Variants in NFKBIE observed in about 807,000 individuals in gnomAD.
NFKBIE encodes NF-kappa-B inhibitor epsilon.
In NFKBIE, 11 loss-of-function variants were observed where a neutral mutation model predicts 31.6. The ratio of observed to expected loss-of-function variants is 0.35; its 90% CI spans 0.22 to 0.58. NFKBIE has a LOEUF of 0.58. Among genes scored for constraint, NFKBIE ranks in the 20% least tolerant of loss-of-function variants. The pLI is 0.83. For synonymous variants in NFKBIE, 208 were observed against 210.1 expected, an observed-to-expected ratio of 0.99 and a Z score of 0.09; for missense variants, 354 against 465.7, an observed-to-expected ratio of 0.76 and a Z score of 2.21.
In NFKBIE at chr6:44,261,656, A is replaced by G; in HGVS notation, c.661T>C (p.Ser221Pro). Reference sequence around the variant, plus strand: ...CAGTTTTGCAGCTGGAGGTCCAGAGAGTGAGATGTTCCTCTGCCTGGCTCT... The same window carrying G: ...CAGTTTTGCAGCTGGAGGTCCAGAGGGTGAGATGTTCCTCTGCCTGGCTCT... ...RPEPGRGTSH[S>P]LDLQLQNWQG... is the part of the protein sequence containing the mutation. Residue 221 changes from serine (S) to proline (P), a missense_variant, in exon 3 of 6, where the codon TCT (serine) becomes CCT (proline). This residue lies in a region of NFKBIE where 183 missense variants were observed against 310.6 expected (regional missense o/e 0.59). Coordinates refer to ENST00000619360, the MANE Select transcript of NFKBIE (RefSeq NM_004556.3). This position sits in a 1 kb window ranked among gnomAD's most constrained non-coding sequence, Gnocchi z 4.3. 1 of 1,614,154 alleles carries G rather than the reference A, an allele frequency of 6.2e-7. No homozygotes were observed. Among genetic ancestry groups the G allele is most frequent in the Non-Finnish European group, 8.5e-7 (1 of 1,180,024 alleles).
chr6:44,259,191 C>T lies in NFKBIE; in HGVS notation c.*28G>A, dbSNP rs539449485. ...CCGGCTTCCAGATGGAGAGGTGGAGCCCTGAGGATCCCAGACCCTGCCTGG... is the reference window on the plus strand; with the variant it reads ...CCGGCTTCCAGATGGAGAGGTGGAGTCCTGAGGATCCCAGACCCTGCCTGG... On this transcript the variant is annotated 3_prime_UTR_variant, in exon 6 of 6. Coordinates refer to ENST00000619360, the MANE Select transcript of NFKBIE (RefSeq NM_004556.3). The T allele has an allele frequency of 6.2e-7, 1 of 1,612,306 alleles. No homozygotes were observed. The highest frequency in any genetic ancestry group is 8.5e-7 in the Non-Finnish European group (1 of 1,178,764).
At position 44,258,765 on chromosome 6, in the gene NFKBIE, T is replaced by C. The variant is rs2153330488; in HGVS notation, c.*454A>G. Reference sequence around the variant, plus strand: ...CAGTGGCTCAGTTCAGAGCCTTCTGTGTGAAGTCTTTAAACAACGGTGTTT... The same window carrying C: ...CAGTGGCTCAGTTCAGAGCCTTCTGCGTGAAGTCTTTAAACAACGGTGTTT... On this transcript the variant is annotated 3_prime_UTR_variant, in exon 6 of 6. Transcript: ENST00000619360. 1 of 156,286 alleles carries C rather than the reference T, an allele frequency of 6.4e-6. No homozygotes were observed. Among genetic ancestry groups the C allele is most frequent in the East Asian group, 1.8e-4 (1 of 5,448 alleles). 9.7% of individuals were successfully genotyped at this position (156,286 alleles called of 1,614,324 possible).
At position 44,260,370 on chromosome 6, in the gene NFKBIE, C is replaced by T; in HGVS notation, c.780+81G>A. 6.2e-7 allele frequency: 1 copy of T among 1,612,756 alleles called. No homozygotes were observed. The highest frequency in any genetic ancestry group is 8.5e-7 in the Non-Finnish European group (1 of 1,178,910). On this transcript the variant is annotated intron_variant, in intron 4 of 5. Transcript: ENST00000619360. This position sits in a 1 kb window ranked among gnomAD's most constrained non-coding sequence, Gnocchi z 5.5. ...GATAAGGAAGTGAATGCCACCACTT[C>T]TGACTGCTGGGCAGGGGACTTGGGG...
rs751981575 is a variant in NFKBIE at position 44,258,436 on chromosome 6, G to C, written c.*783C>G. 6.6e-6 allele frequency: 1 copy of C among 152,504 alleles called. No individual in the cohort carries two copies. The highest frequency in any genetic ancestry group is 1.5e-5 in the Non-Finnish European group (1 of 68,282). The allele number at this position is 152,504 out of a possible 1,614,324, so 9.4% of individuals were successfully genotyped here. The stretch of plus-strand genomic sequence containing the variant: ...AGGGCAGTGGTGAGGGCTCCAGGGC[G>C]TGTGTCCTCTCATTCTTCCTCTTGT... On this transcript the variant is annotated 3_prime_UTR_variant, in exon 6 of 6. Coordinates refer to ENST00000619360, the MANE Select transcript of NFKBIE (RefSeq NM_004556.3).
At chr6:44,259,587 G>C (rs892687782) in intron 5 of NFKBIE, among the ~76,000 whole-genome samples, 1 of 151,830 alleles carries the variant, frequency 6.6e-6, no homozygotes, top group Non-Finnish European at 1.5e-5. Flanking sequence ...GGGATGGGGT[G>C]GGGGGGCTGC....
At chr6:44,259,393 G>T in intron 5 of NFKBIE, 109 bp from the exon 6 acceptor site, 1 of 782,334 alleles carries the variant, frequency 1.3e-6, no homozygotes, top group Non-Finnish European at 2.3e-6. Context: ...CCAAATGACA[G>T]TTGAAGACCA....
At position 44,258,245 on chromosome 6, in the gene NFKBIE, C is replaced by T. The variant is rs893024949; in HGVS notation, c.*974G>A. 2 of 152,238 alleles carry T rather than the reference C, an allele frequency of 1.3e-5. No individual in the cohort carries two copies. Among genetic ancestry groups the T allele is most frequent in the African/African-American group, 4.8e-5 (2 of 41,436 alleles). The allele number at this position is 152,238 out of a possible 1,614,324, so 9.4% of individuals were successfully genotyped here. ...CACTGGATGAGACGCTCCAAGTGGTCAGAGACTGTGCTGGTTTATTGCCCC... is the reference window on the plus strand; with the variant it reads ...CACTGGATGAGACGCTCCAAGTGGTTAGAGACTGTGCTGGTTTATTGCCCC... On this transcript the variant is annotated 3_prime_UTR_variant, in exon 6 of 6. Coordinates refer to ENST00000619360, the MANE Select transcript of NFKBIE (RefSeq NM_004556.3).
chr6:44,262,071 A>T (rs1341011428), intron 2 of NFKBIE, among the ~76,000 whole-genome samples: 1 of 152,168 alleles, frequency 6.6e-6, no homozygotes, highest in Non-Finnish European at 1.5e-5. Context: ...TGAAGAAAGT[A>T]GCTCTCTGCT....
Position 44,265,102 on chromosome 6 carries a change from AG to A in NFKBIE, c.244del (p.Leu82CysfsTer24). On this transcript the variant is annotated frameshift_variant, in exon 1 of 6. Coordinates refer to ENST00000619360, the MANE Select transcript of NFKBIE (RefSeq NM_004556.3). LOFTEE classifies it high-confidence loss of function. The stretch of plus-strand genomic sequence containing the variant: ...AGCCTCGGGGCCCCCCAGCAAGGAC[AG>A]GGTGTAGGTGAGCGAGGAGGAGCCA... ...TYGSSSLTYT[L>X]SLLGGPEAED... 6.4e-7 allele frequency: 1 copy of A among 1,556,696 alleles called. No homozygotes were observed. Among genetic ancestry groups the A allele is most frequent in the Non-Finnish European group, 8.7e-7 (1 of 1,149,086 alleles).
Position 44,265,536 on chromosome 6 carries a change from C to G in NFKBIE, c.-190G>C. Reference sequence around the variant, plus strand: ...ACAAGGTTCGGAGCGCTGGCCAGGTCCACCCAGCGGTTACTGTGGGCAGCC... The same window carrying G: ...ACAAGGTTCGGAGCGCTGGCCAGGTGCACCCAGCGGTTACTGTGGGCAGCC... On this transcript the variant is annotated 5_prime_UTR_variant, in exon 1 of 6. Coordinates refer to ENST00000619360, the MANE Select transcript of NFKBIE (RefSeq NM_004556.3). 6.4e-7 allele frequency: 1 copy of G among 1,571,414 alleles called. No homozygotes were observed. Among genetic ancestry groups the G allele is most frequent in the Non-Finnish European group, 8.6e-7 (1 of 1,160,380 alleles).
chr6:44,265,231 C>G lies in NFKBIE; in HGVS notation c.116G>C (p.Gly39Ala). ...GGGCTGGGGGCTGCCGTCCGAGGGC[C>G]CGGAGGCTGGAGCCGAGGTGGACTC... The part of the protein sequence containing the change: ...LPESTSAPAS[G>A]PSDGSPQPCT... The change falls in exon 1 of 6, where the codon GGG becomes GCG. Residue 39 changes from glycine (G) to alanine (A), a missense_variant. Physicochemically the swap from Gly to Ala is moderately conservative, Grantham distance 60. Around this residue, in one of 2 missense-constraint regions of NFKBIE, gnomAD observed 171 missense variants for 155.1 expected, o/e 1.10. Transcript: ENST00000619360. 6.4e-7 allele frequency: 1 copy of G among 1,552,466 alleles called. No individual in the cohort carries two copies. Among genetic ancestry groups the G allele is most frequent in the Admixed American group, 2.0e-5 (1 of 51,140 alleles).
Position 44,260,682 on chromosome 6 carries a change from C to T in NFKBIE, c.692-143G>A, listed in dbSNP as rs1781865378. 11 of 763,666 alleles carry T rather than the reference C, an allele frequency of 1.4e-5. No individual in the cohort carries two copies. In the East Asian group the frequency reaches 3.0e-4, roughly 21 times the overall value. 47.3% of individuals were successfully genotyped at this position (763,666 alleles called of 1,614,324 possible). A position where few individuals can be genotyped will look rare whatever the true frequency, so the allele number is the denominator to read the frequency against. ...ATCACAAGACTGTTAAAATGCAAACCCCAAAACCCCCTCAAAAGTCTAAGG... is the reference window on the plus strand; with the variant it reads ...ATCACAAGACTGTTAAAATGCAAACTCCAAAACCCCCTCAAAAGTCTAAGG... On this transcript the variant is annotated intron_variant, in intron 3 of 5. Coordinates refer to ENST00000619360, the MANE Select transcript of NFKBIE (RefSeq NM_004556.3). The surrounding 1 kb of genome is among the most constrained non-coding windows in gnomAD (Gnocchi z 5.5).
chr6:44,264,485 G>C (rs1782041675), intron 1 of NFKBIE, among the ~76,000 whole-genome samples: 2 of 152,148 alleles, frequency 1.3e-5, no homozygotes, highest in South Asian at 4.1e-4. Flanking sequence ...GAGTGCCCCA[G>C]CCTGGCTCAC....
intron 5 of NFKBIE, among the ~76,000 whole-genome samples, chr6:44,259,624 C>A (rs1781821428): frequency 6.6e-6 from 1 of 152,014 alleles, no homozygotes; most frequent in Non-Finnish European, 1.5e-5. Context: ...ATTTAGGTTT[C>A]TTTTTTACAC....
Position 44,265,351 on chromosome 6 carries a change from G to T in NFKBIE, c.-5C>A. The T allele has an allele frequency of 6.4e-7, 1 of 1,557,900 alleles. No homozygotes were observed. Among genetic ancestry groups the T allele is most frequent in the Admixed American group, 1.8e-5 (1 of 54,576 alleles). ...CCCCTTCCGCGCCTCCGACATGCCC[G>T]CGGCTCTGGCCGGCCGGGGCCCGGT... On this transcript the variant is annotated 5_prime_UTR_variant, in exon 1 of 6. Transcript: ENST00000619360.
intron 1 of NFKBIE, among the ~76,000 whole-genome samples, 169 bp downstream of exon 1, chr6:44,264,813 T>G (rs1174937162): frequency 2.6e-5 from 4 of 152,168 alleles, no homozygotes; most frequent in Admixed American, 2.6e-4. Context: ...CAGAGATGAT[T>G]CCATGGCCTA....
Position 44,261,563 on chromosome 6 carries a change from C to G in NFKBIE, c.691+63G>C. The G allele has an allele frequency of 6.4e-7, 1 of 1,552,904 alleles. No individual in the cohort carries two copies. The highest frequency in any genetic ancestry group is 8.8e-7 in the Non-Finnish European group (1 of 1,132,120). On this transcript the variant is annotated intron_variant, in intron 3 of 5. Transcript: ENST00000619360. This position sits in a 1 kb window ranked among gnomAD's most constrained non-coding sequence, Gnocchi z 4.3. ...ACCCTCCCTTCCCCAAGAGTGAGGT[C>G]CCTATCTCCTATGCCCTCCTCATCC...
chr6:44,262,892 A>T (rs536588371), intron 1 of NFKBIE, among the ~76,000 whole-genome samples: 3 of 151,894 alleles, frequency 2.0e-5, no homozygotes, highest in South Asian at 4.2e-4. Flanking sequence ...CTGGGTGGGC[A>T]TGTGGGCAGG....
chr6:44,261,819 G>A lies in NFKBIE; in HGVS notation c.498C>T (p.Asp166=), dbSNP rs761525489. 2 of 1,611,962 alleles carry A rather than the reference G, an allele frequency of 1.2e-6. No individual in the cohort carries two copies. Among genetic ancestry groups the A allele is most frequent in the Admixed American group, 1.7e-5 (1 of 60,020 alleles). ...QTALHLAVHL[D]QPGAVRALVL... is the part of the protein sequence containing the mutation. ...CCAGTGCCCGAACTGCGCCCGGTTG[G>A]TCCAGATGTACAGCCAGATGGAGTG... Residue 166 remains aspartate (D), a synonymous_variant, in exon 3 of 6, where the codon GAC becomes GAT. Transcript: ENST00000619360. This position sits in a 1 kb window ranked among gnomAD's most constrained non-coding sequence, Gnocchi z 4.3.
Sources: gnomAD v4.1 joint callset for allele counts (sites outside exome capture counted in the v4.1 genomes callset) on GRCh38, gnomAD v4.1.1 for gene constraint, gnomAD v4.1.1 regional missense constraint, Gnocchi (gnomAD v3.1) non-coding constraint, MANE v1.5 for transcripts, NCBI Gene and HGNC (gene_info 2026-07-23, HGNC 2026-07-21) for gene names.